Variants in DRAXIN observed in about 807,000 individuals in gnomAD.
DRAXIN encodes dorsal inhibitory axon guidance protein.
A neutral mutation model predicts 33.9 loss-of-function variants in DRAXIN; 27 were observed. That is an observed-to-expected ratio of 0.80 (90% CI 0.59 to 1.10). The LOEUF (loss-of-function observed/expected upper bound fraction) is 1.10, where lower values mean the gene tolerates loss of function less well. DRAXIN is among the 50% of genes least tolerant of loss of function. The pLI is 0.00. For synonymous variants in DRAXIN, 178 were observed against 194.0 expected (o/e 0.92, Z 0.69); for missense variants, 371 against 460.8 (o/e 0.81, Z 1.78).
rs917260986 is a variant in DRAXIN, at chr1:11,711,548, T to A, written c.643-303T>A. 6.6e-5 allele frequency among the ~76,000 whole-genome samples: 10 copies of A among 152,306 alleles called. No homozygotes were observed. The Middle Eastern group carries it at 0.02, about 311-fold the overall frequency. ...GCTTAAAGACCCTGGGCAAGCAAGG[T>A]TGCCTTCCCAGCCTGCAGGTGGTCT... is the stretch of plus-strand genomic sequence containing the variant. On this transcript the variant is annotated intron_variant, in intron 3 of 6. Coordinates refer to ENST00000294485, the MANE Select transcript of DRAXIN (RefSeq NM_198545.4).
At chr1:11,712,651 C>A (rs1161160765) in intron 5 of DRAXIN, among the ~76,000 whole-genome samples, 1 of 152,238 alleles carries the variant, frequency 6.6e-6, no homozygotes, top group Non-Finnish European at 1.5e-5. Flanking sequence ...GTAATCCCAG[C>A]ACTATGGGAG....
chr1:11,700,832 C>T (rs963258447), intron 1 of DRAXIN, among the ~76,000 whole-genome samples: 14 of 152,192 alleles, frequency 9.2e-5, no homozygotes, highest in African/African-American at 3.1e-4. Flanking sequence ...TCCCCCCAAC[C>T]CACTATGCAA....
rs1641189604 is a variant in DRAXIN, at chr1:11,696,175, C to T, written c.-11+4322C>T. Among the ~76,000 whole-genome samples, 1 of 152,178 alleles carries T rather than the reference C, an allele frequency of 6.6e-6. No individual in the cohort carries two copies. Among genetic ancestry groups the T allele is most frequent in the Admixed American group, 6.6e-5 (1 of 15,264 alleles). Reference sequence around the variant, plus strand: ...CCCAGGCACAGATGCACAAATGCTTCCAGGAAACTCCCTGGCCCCCACCAC... The same window carrying T: ...CCCAGGCACAGATGCACAAATGCTTTCAGGAAACTCCCTGGCCCCCACCAC... On this transcript the variant is annotated intron_variant, in intron 1 of 6. Transcript: ENST00000294485. This position sits in a 1 kb window ranked among gnomAD's most constrained non-coding sequence, Gnocchi z 4.7.
chr1:11,707,748 G>A (rs895173594), intron 2 of DRAXIN, among the ~76,000 whole-genome samples: 5 of 151,918 alleles, frequency 3.3e-5, no homozygotes, highest in African/African-American at 9.7e-5. Context: ...CCCCACATCC[G>A]CTGGGAGCTA....
chr1:11,687,115 G>C (rs1640971779), upstream of DRAXIN, among the ~76,000 whole-genome samples: 2 of 152,020 alleles, frequency 1.3e-5, no homozygotes, highest in African/African-American at 4.8e-5. The surrounding 1 kb of genome is among the most constrained non-coding windows in gnomAD (Gnocchi z 4.1). Flanking sequence ...ATCTAGGCTG[G>C]AGTGCAGTGA....
intron 2 of DRAXIN, among the ~76,000 whole-genome samples, chr1:11,708,327 C>T (rs912573402): frequency 2.0e-5 from 3 of 152,192 alleles, no homozygotes; most frequent in Non-Finnish European, 4.4e-5. Context: ...AAACCTCAGG[C>T]CAGGCTGGGC....
At chr1:11,712,730 C>T (rs1042595933) in intron 5 of DRAXIN, among the ~76,000 whole-genome samples, 7 of 151,778 alleles carry the variant, frequency 4.6e-5, no homozygotes, top group Non-Finnish European at 7.4e-5. Flanking sequence ...GAAACCCCAT[C>T]GCTACTAAAA....
chr1:11,688,079 C>T (rs950595179), upstream of DRAXIN, among the ~76,000 whole-genome samples: 1 of 152,192 alleles, frequency 6.6e-6, no homozygotes, highest in Non-Finnish European at 1.5e-5. The surrounding 1 kb of genome is among the most constrained non-coding windows in gnomAD (Gnocchi z 4.6). Flanking sequence ...GAACCAGAGA[C>T]TCCAAGGTTT....
In DRAXIN at chr1:11,721,601, C is replaced by T. The variant is rs1220600346; in HGVS notation, c.*1905C>T. On this transcript the variant is annotated 3_prime_UTR_variant, in exon 7 of 7. Transcript: ENST00000294485. Reference sequence around the variant, plus strand: ...CTAGAAGAAATTAAATATGCTTGTTCTCTCCCTATCCAAGTTTGATGGGCA... The same window carrying T: ...CTAGAAGAAATTAAATATGCTTGTTTTCTCCCTATCCAAGTTTGATGGGCA... 1 of 152,318 alleles carries T rather than the reference C, an allele frequency of 6.6e-6. No individual in the cohort carries two copies. Among genetic ancestry groups the T allele is most frequent in the African/African-American group, 2.4e-5 (1 of 41,450 alleles). 9.4% of individuals were successfully genotyped at this position (152,318 alleles called of 1,614,324 possible). A position where few individuals can be genotyped will look rare whatever the true frequency, so the allele number is the denominator to read the frequency against.
At chr1:11,718,570 C>T (rs1210066494) in intron 6 of DRAXIN, among the ~76,000 whole-genome samples, 1 of 152,116 alleles carries the variant, frequency 6.6e-6, no homozygotes, top group Non-Finnish European at 1.5e-5. Context: ...CTCAAAGGAT[C>T]CTCTCATGTT....
At chr1:11,716,690 T>A (rs539297756) in intron 6 of DRAXIN, among the ~76,000 whole-genome samples, 52 of 152,340 alleles carry the variant, frequency 3.4e-4, no homozygotes, top group Non-Finnish European at 6.6e-4. Flanking sequence ...AATTATTTTT[T>A]GAGACAGGGT....
chr1:11,688,844 TA>T (rs1186424777), upstream of DRAXIN, among the ~76,000 whole-genome samples: 1 of 152,076 alleles, frequency 6.6e-6, no homozygotes, highest in Non-Finnish European at 1.5e-5. The surrounding 1 kb of genome is among the most constrained non-coding windows in gnomAD (Gnocchi z 4.6). Context: ...ACCTTGCTGA[TA>T]AAACAGTTTG....
At position 11,691,766 on chromosome 1, in the gene DRAXIN, C is replaced by T. The variant is rs2100725646; in HGVS notation, c.-98C>T. 6.6e-6 allele frequency: 1 copy of T among 151,646 alleles called. No individual in the cohort carries two copies. Among genetic ancestry groups the T allele is most frequent in the African/African-American group, 2.4e-5 (1 of 41,320 alleles). 9.4% of individuals were successfully genotyped at this position (151,646 alleles called of 1,614,324 possible). On this transcript the variant is annotated 5_prime_UTR_variant, in exon 1 of 7. Transcript: ENST00000294485. Reference sequence around the variant, plus strand: ...TGCCCGCGCACCTCTCCACGCCGGCCCCGTTCCGCGGCTCGCCCTCGGCTG... The same window carrying T: ...TGCCCGCGCACCTCTCCACGCCGGCTCCGTTCCGCGGCTCGCCCTCGGCTG...
chr1:11,702,037 T>G (rs565293321), intron 1 of DRAXIN, among the ~76,000 whole-genome samples: 3 of 152,260 alleles, frequency 2.0e-5, no homozygotes, highest in East Asian at 3.9e-4. Context: ...TCCACACCCA[T>G]GCTCACAAAC....
Position 11,724,079 on chromosome 1 carries a change from C to T in DRAXIN, c.*4383C>T, listed in dbSNP as rs1641692932. On this transcript the variant is annotated 3_prime_UTR_variant, in exon 7 of 7. Transcript: ENST00000294485. ...CTTCCCCAAAGTGTGTTCCATAGAA[C>T]ACTGGGACCATGAGATGCTCTATTA... The T allele has an allele frequency of 6.6e-6, 1 of 152,214 alleles. No homozygotes were observed. Among genetic ancestry groups the T allele is most frequent in the South Asian group, 2.1e-4 (1 of 4,830 alleles). The allele number at this position is 152,214 out of a possible 1,614,324, so 9.4% of individuals were successfully genotyped here. A position where few individuals can be genotyped will look rare whatever the true frequency, so the allele number is the denominator to read the frequency against.
chr1:11,700,715 T>TG (rs1641258254), intron 1 of DRAXIN, among the ~76,000 whole-genome samples: 3 of 152,174 alleles, frequency 2.0e-5, no homozygotes, highest in African/African-American at 7.2e-5. Context: ...GTTCTCCCCG[T>TG]GGGGGGTTGC....
Position 11,704,676 on chromosome 1 carries a change from CACA to C in DRAXIN, c.-10-1568_-10-1566del, listed in dbSNP as rs1373617584. On this transcript the variant is annotated intron_variant, in intron 1 of 6. Transcript: ENST00000294485. The surrounding 1 kb of genome is among the most constrained non-coding windows in gnomAD (Gnocchi z 4.6). ...CAGGTGTGATGGGAGACAGGGTTGT[CACA>C]ACAAGCCTGTCCCAGGGTCCCACGC... is the stretch of plus-strand genomic sequence containing the variant. Among the ~76,000 whole-genome samples the C allele has an allele frequency of 6.6e-6, 1 of 152,178 alleles. No homozygotes were observed. Among genetic ancestry groups the C allele is most frequent in the Non-Finnish European group, 1.5e-5 (1 of 68,032 alleles).
chr1:11,692,395 G>C lies in DRAXIN; in HGVS notation c.-11+542G>C, dbSNP rs952375541. ...CCAGGAGGCTGGGGTGTGTGGCCGG[G>C]GTCGCTGAGTGCGCCCGGAACCAGC... On this transcript the variant is annotated intron_variant, in intron 1 of 6. Coordinates refer to ENST00000294485, the MANE Select transcript of DRAXIN (RefSeq NM_198545.4). This position sits in a 1 kb window ranked among gnomAD's most constrained non-coding sequence, Gnocchi z 5.8. Among the ~76,000 whole-genome samples the C allele has an allele frequency of 6.6e-6, 1 of 152,120 alleles. No homozygotes were observed. Among genetic ancestry groups the C allele is most frequent in the African/African-American group, 2.4e-5 (1 of 41,426 alleles).
intron 5 of DRAXIN, 40 bp downstream of exon 5, chr1:11,712,469 A>G (rs1883573): frequency 0.47 from 755,596 of 1,610,532 alleles, 179,631 homozygotes; most frequent in African/African-American, 0.59. Context: ...CAGGCTGGGT[A>G]CTGGGAGGGA....
Sources: allele counts gnomAD v4.1 joint callset (sites outside exome capture counted in the v4.1 genomes callset), GRCh38; gene constraint gnomAD v4.1.1; non-coding constraint Gnocchi (gnomAD v3.1); transcripts MANE v1.5; gene names NCBI Gene and HGNC (gene_info 2026-07-23, HGNC 2026-07-21).